CDH3: variants seen among roughly 807,000 people sequenced by gnomAD.
CDH3 encodes the protein cadherin 3.
In CDH3, 54 loss-of-function variants were observed where a neutral mutation model predicts 82.0. The observed-to-expected ratio is 0.66, with a 90% CI of 0.53 to 0.83. The LOEUF is 0.83. CDH3 is among the 40% of genes least tolerant of loss of function. The pLI, the probability that CDH3 is intolerant of heterozygous loss-of-function variation, is 0.00. For synonymous variants in CDH3, 446 were observed against 437.9 expected, an observed-to-expected ratio of 1.02 and a Z score of -0.23; for missense variants, 1,054 against 1,084.6, an observed-to-expected ratio of 0.97 and a Z score of 0.40.
intron 2 of CDH3, among the ~76,000 whole-genome samples, chr16:68,663,860 C>T (rs1428121160): frequency 6.6e-6 from 1 of 151,556 alleles, no homozygotes; most frequent in Non-Finnish European, 1.5e-5. Context: ...TACATGTGCA[C>T]AATGTGCAGG....
rs746847317 is a variant in CDH3 at position 68,698,193 on chromosome 16, C to A, written c.2283C>A (p.Asn761Lys). The A allele has an allele frequency of 1.2e-6, 2 of 1,614,064 alleles. No individual in the cohort carries two copies. Among genetic ancestry groups the A allele is most frequent in the African/African-American group, 1.3e-5 (1 of 74,936 alleles). Residue 761 changes from asparagine (N) to lysine (K), a missense_variant and splice_region_variant, in exon 16 of 16, where the codon AAC becomes AAA. Transcript: ENST00000264012. ...PDEIGNFIIE[N>K]LKAANTDPTA... ...CTACCTGTTCTCTGTTGCCGCAGAA[C>A]CTGAAGGCGGCTAACACAGACCCCA...
chr16:68,653,159 T>G (rs1264882635), intron 2 of CDH3, among the ~76,000 whole-genome samples: 2 of 152,126 alleles, frequency 1.3e-5, no homozygotes, highest in Non-Finnish European at 1.5e-5. Context: ...CCCCACCCCC[T>G]TTCCGGAGTC....
At chr16:68,690,155 C>T (rs1185333660) in intron 12 of CDH3, among the ~76,000 whole-genome samples, 2 of 152,192 alleles carry the variant, frequency 1.3e-5, no homozygotes, top group African/African-American at 4.8e-5. Context: ...GGTTAGCCTG[C>T]CACCCCCTGG....
At chr16:68,667,331 C>G (rs942445247) in intron 2 of CDH3, among the ~76,000 whole-genome samples, 1 of 152,170 alleles carries the variant, frequency 6.6e-6, no homozygotes, top group Non-Finnish European at 1.5e-5. Context: ...CCTAGGCAAT[C>G]TCTTCCCCCA....
chr16:68,660,483 CA>C (rs1960534296), intron 2 of CDH3, among the ~76,000 whole-genome samples: 1 of 152,118 alleles, frequency 6.6e-6, no homozygotes, highest in African/African-American at 2.4e-5. Context: ...CTTTAGATTT[CA>C]AAATCTAGTT....
chr16:68,679,882 A>G lies in CDH3; in HGVS notation c.775A>G (p.Ser259Gly), dbSNP rs1372498533. 1 of 1,613,844 alleles carries G rather than the reference A, an allele frequency of 6.2e-7. No individual in the cohort carries two copies. Among genetic ancestry groups the G allele is most frequent in the Non-Finnish European group, 8.5e-7 (1 of 1,179,868 alleles). ...TGGGGTGGTTGCTTACTCCATCCAT[A>G]GCCAAGAACCAAAGGACCCACACGA... ...YNGVVAYSIH[S>G]QEPKDPHDLM... The change falls in exon 7 of 16, where the codon AGC becomes GGC. Residue 259 changes from serine (S) to glycine (G), a missense_variant. Physicochemically the swap from Ser to Gly is moderately conservative, Grantham distance 56 (BLOSUM62 0). Transcript: ENST00000264012.
chr16:68,656,360 GT>G (rs1960411264), intron 2 of CDH3, among the ~76,000 whole-genome samples: 1 of 152,142 alleles, frequency 6.6e-6, no homozygotes, highest in African/African-American at 2.4e-5. Context: ...GTCTGCCTCA[GT>G]TGCCTTTTTC....
At chr16:68,680,114 C>T (rs1273494008) in intron 7 of CDH3, 140 bp downstream of exon 7, 19 of 808,870 alleles carry the variant, frequency 2.3e-5, no homozygotes, top group East Asian at 1.0e-4. Flanking sequence ...ATGGCCACTG[C>T]TGGGTTCACA....
chr16:68,706,244 T>G (rs1375531286), intron 1 of CDH3, among the ~76,000 whole-genome samples: 1 of 152,110 alleles, frequency 6.6e-6, no homozygotes, highest in East Asian at 1.9e-4. Flanking sequence ...GATTTAAATC[T>G]GAATTCACAG....
chr16:68,673,116 A>T (rs904095451), intron 2 of CDH3, among the ~76,000 whole-genome samples: 1 of 152,208 alleles, frequency 6.6e-6, no homozygotes, highest in African/African-American at 2.4e-5. Flanking sequence ...TATGAACATT[A>T]TAATACATAG....
intron 2 of CDH3, among the ~76,000 whole-genome samples, chr16:68,658,795 C>T (rs997503294): frequency 6.6e-6 from 1 of 152,160 alleles, no homozygotes; most frequent in East Asian, 1.9e-4. Context: ...TCAGCTGGGA[C>T]TTAGCCCCAC....
intron 2 of CDH3, among the ~76,000 whole-genome samples, chr16:68,724,133 G>T (rs1208755689): frequency 6.6e-6 from 1 of 151,872 alleles, no homozygotes; most frequent in Non-Finnish European, 1.5e-5. Context: ...TACTTGGGAG[G>T]CTGAGGCAGG....
downstream of CDH3, among the ~76,000 whole-genome samples, chr16:68,705,290 ACT>A (rs1329364923): frequency 6.6e-6 from 1 of 151,828 alleles, no homozygotes; most frequent in Admixed American, 6.6e-5. Context: ...TGACTCTGAG[ACT>A]CTGTAGCCCT....
chr16:68,654,449 T>A (rs1960351738), intron 2 of CDH3, among the ~76,000 whole-genome samples: 1 of 110,320 alleles, frequency 9.1e-6, no homozygotes, highest in Non-Finnish European at 1.7e-5. Flanking sequence ...ACGCCTGTAA[T>A]CCCAGCACTT....
At chr16:68,669,839 C>T (rs1336732538) in intron 2 of CDH3, among the ~76,000 whole-genome samples, 1 of 152,066 alleles carries the variant, frequency 6.6e-6, no homozygotes, top group African/African-American at 2.4e-5. Flanking sequence ...AGAAAAGTGG[C>T]CAGGCACAGT....
At chr16:68,650,937 T>TAAAAAAAAA (rs377604279) in intron 2 of CDH3, 1 of 156,388 alleles carries the variant, frequency 6.4e-6, no homozygotes, top group Non-Finnish European at 1.3e-5. Context: ...TTGAACAGGT[T>TAAAAAAAAA]AAAAAAAAAA....
intron 2 of CDH3, among the ~76,000 whole-genome samples, chr16:68,667,475 T>C (rs1387853945): frequency 6.6e-6 from 1 of 152,158 alleles, no homozygotes; most frequent in African/African-American, 2.4e-5. Flanking sequence ...TACGGAAAGA[T>C]GGGTGGTTTT....
intron 6 of CDH3, among the ~76,000 whole-genome samples, chr16:68,679,243 C>T (rs1198644032): frequency 1.3e-5 from 2 of 152,224 alleles, no homozygotes; most frequent in African/African-American, 2.4e-5. Context: ...CTGAGCCTCA[C>T]TTCTCACATC....
intron 15 of CDH3, among the ~76,000 whole-genome samples, chr16:68,697,199 C>T (rs1961753602): frequency 6.6e-6 from 1 of 151,744 alleles, no homozygotes; most frequent in South Asian, 2.1e-4. Context: ...TGGTGGGCGC[C>T]TGTAGTCCCA....
Sources: allele counts gnomAD v4.1 joint callset (sites outside exome capture counted in the v4.1 genomes callset), GRCh38; gene constraint gnomAD v4.1.1; transcripts MANE v1.5; gene names NCBI Gene and HGNC (gene_info 2026-07-23, HGNC 2026-07-21).